Variants in KPNA7 observed in about 807,000 individuals in gnomAD.
The protein encoded by KPNA7 is importin subunit alpha-8.
A neutral mutation model predicts 53.7 loss-of-function variants in KPNA7; 54 were observed. That is an observed-to-expected ratio of 1.01 (90% CI 0.81 to 1.26). The LOEUF (loss-of-function observed/expected upper bound fraction) is 1.26. Among genes scored for constraint, KPNA7 ranks in the 50% most tolerant of loss-of-function variants. KPNA7 has a pLI of 0.00. For synonymous variants in KPNA7, 276 were observed against 259.3 expected (o/e 1.06, Z -0.62); for missense variants, 640 against 644.5 (o/e 0.99, Z 0.07).
chr7:99,165,492 CAGA>C, the KPNA7 span, among the ~76,000 whole-genome samples: 772 of 152,226 alleles, frequency 5.1e-3, 3 homozygotes, highest in Middle Eastern at 0.024. Flanking sequence ...ATAATCACTG[CAGA>C]AGGAGATGAA....
intron 10 of KPNA7, among the ~76,000 whole-genome samples, chr7:99,176,321 G>T (rs112426922): frequency 1.5e-5 from 1 of 66,280 alleles, no homozygotes. Flanking sequence ...AAGAAAGAAA[G>T]AAAGAAAGAA....
chr7:99,165,817 C>T, the KPNA7 span, among the ~76,000 whole-genome samples: 1 of 152,136 alleles, frequency 6.6e-6, no homozygotes, highest in Non-Finnish European at 1.5e-5. Flanking sequence ...CCTCCAGCTT[C>T]AGCTTCTCAG....
chr7:99,187,893 T>C (rs550157959), intron 7 of KPNA7, among the ~76,000 whole-genome samples: 3 of 143,632 alleles, frequency 2.1e-5, no homozygotes, highest in African/African-American at 7.7e-5. Flanking sequence ...GTAGCAAAGA[T>C]GGGCAGGCAC....
At chr7:99,153,977 A>T in the KPNA7 span, among the ~76,000 whole-genome samples, 2 of 151,992 alleles carry the variant, frequency 1.3e-5, no homozygotes, top group African/African-American at 4.8e-5. Flanking sequence ...AAGAAAAAAA[A>T]GTTTCCATAA....
At chr7:99,202,026 A>G (rs563808304) in intron 3 of KPNA7, among the ~76,000 whole-genome samples, 1 of 152,112 alleles carries the variant, frequency 6.6e-6, no homozygotes, top group Admixed American at 6.6e-5. Flanking sequence ...CTTTTGTTTT[A>G]TACCATCCTT....
At chr7:99,196,842 T>G (rs1351806850) in intron 3 of KPNA7, among the ~76,000 whole-genome samples, 1 of 152,224 alleles carries the variant, frequency 6.6e-6, no homozygotes, top group Non-Finnish European at 1.5e-5. Flanking sequence ...TTACAGACTA[T>G]TTTGACTCAG....
chr7:99,194,333 A>C (rs930013886), intron 5 of KPNA7, among the ~76,000 whole-genome samples: 2 of 152,050 alleles, frequency 1.3e-5, no homozygotes, highest in Non-Finnish European at 2.9e-5. Context: ...CAAACCAAGG[A>C]GTTTTTTTTT....
At chr7:99,167,328 C>T in the KPNA7 span, among the ~76,000 whole-genome samples, 7 of 152,176 alleles carry the variant, frequency 4.6e-5, no homozygotes, top group Admixed American at 1.3e-4. Context: ...TGATAGGAAC[C>T]GGGCCACCCA....
intron 6 of KPNA7, among the ~76,000 whole-genome samples, chr7:99,190,578 T>G (rs1789893605): frequency 6.6e-6 from 1 of 151,896 alleles, no homozygotes; most frequent in Admixed American, 6.6e-5. Context: ...TTTTAGCCTG[T>G]GGCTTCTGTG....
At chr7:99,188,614 A>G in intron 6 of KPNA7, 51 bp from the exon 7 acceptor site, 1 of 1,524,086 alleles carries the variant, frequency 6.6e-7, no homozygotes, top group East Asian at 2.5e-5. Context: ...GAGAAAATGC[A>G]AACAGCAGTG....
At chr7:99,153,969 GA>G in the KPNA7 span, among the ~76,000 whole-genome samples, 13 of 151,148 alleles carry the variant, frequency 8.6e-5, no homozygotes, top group East Asian at 5.8e-4. Context: ...CTAAAAAAAA[GA>G]AAAAAAAGTT....
the KPNA7 span, among the ~76,000 whole-genome samples, chr7:99,146,339 A>G: frequency 2.0e-5 from 3 of 152,312 alleles, no homozygotes; most frequent in African/African-American, 7.2e-5. Flanking sequence ...TTGTTCATTC[A>G]TTAACAAGTA....
At chr7:99,185,630 C>A (rs1486696302) in intron 7 of KPNA7, among the ~76,000 whole-genome samples, 1 of 151,816 alleles carries the variant, frequency 6.6e-6, no homozygotes, top group African/African-American at 2.4e-5. Context: ...TGTGCCTGGC[C>A]CATGGATGTT....
chr7:99,186,256 A>T (rs1179955229), intron 7 of KPNA7, among the ~76,000 whole-genome samples: 1 of 152,210 alleles, frequency 6.6e-6, no homozygotes. Flanking sequence ...GATTGGGCTC[A>T]AAACAACAAC....
At chr7:99,166,714 G>A in the KPNA7 span, among the ~76,000 whole-genome samples, 15 of 152,110 alleles carry the variant, frequency 9.9e-5, no homozygotes, top group African/African-American at 3.4e-4. Context: ...CTGCCTCCCA[G>A]GTTCAAGTGA....
intron 2 of KPNA7, among the ~76,000 whole-genome samples, chr7:99,203,679 G>T (rs962154024): frequency 6.6e-6 from 1 of 151,938 alleles, no homozygotes; most frequent in Admixed American, 6.6e-5. Context: ...TAGATGCCCT[G>T]ATCATTTCCA....
chr7:99,212,301 G>A (rs1392488792), upstream of KPNA7, among the ~76,000 whole-genome samples: 1 of 137,664 alleles, frequency 7.3e-6, no homozygotes, highest in Non-Finnish European at 1.5e-5. Flanking sequence ...CTGGAGTGCA[G>A]TGGTGCGATC....
chr7:99,160,859 G>A, the KPNA7 span, among the ~76,000 whole-genome samples: 1 of 151,836 alleles, frequency 6.6e-6, no homozygotes, highest in African/African-American at 2.4e-5. Context: ...GTATAGCAGA[G>A]TGATTGTATG....
intron 1 of KPNA7, among the ~76,000 whole-genome samples, chr7:99,215,882 G>A (rs181781411): frequency 2.3e-3 from 353 of 152,036 alleles, no homozygotes; most frequent in Non-Finnish European, 3.6e-3. Context: ...GCTAAGGCAG[G>A]AGGATCACTT....
Sources: allele counts gnomAD v4.1 joint callset (sites outside exome capture counted in the v4.1 genomes callset), GRCh38; gene constraint gnomAD v4.1.1; transcripts MANE v1.5; gene names NCBI Gene and HGNC (gene_info 2026-07-23, HGNC 2026-07-21).